Variants in IGSF21 observed in about 807,000 individuals in gnomAD.
IGSF21 encodes immunoglobin superfamily member 21, also known as immunoglobulin superfamily member 21.
A neutral mutation model predicts 46.8 loss-of-function variants in IGSF21; 28 were observed. The ratio of observed to expected loss-of-function variants is 0.60; its 90% CI spans 0.44 to 0.82. The LOEUF (loss-of-function observed/expected upper bound fraction) is 0.82. IGSF21 is among the 40% of genes least tolerant of loss of function. The probability of loss-of-function intolerance (pLI) is 0.00; values close to 1 mark genes in which losing one functional copy is unlikely to be tolerated. For missense variants in IGSF21, 624 were observed against 665.5 expected (o/e 0.94, Z 0.69); for synonymous variants, 284 against 273.6 (o/e 1.04, Z -0.38).
intron 1 of IGSF21, among the ~76,000 whole-genome samples, chr1:18,156,025 T>A (rs1858585): frequency 0.029 from 4,399 of 152,300 alleles, 236 homozygotes; most frequent in African/African-American, 0.1. Flanking sequence ...GCAGCCTGTG[T>A]AAATAGTTAC....
At chr1:18,216,982 C>T (rs116351122) in intron 1 of IGSF21, among the ~76,000 whole-genome samples, 4 of 152,052 alleles carry the variant, frequency 2.6e-5, no homozygotes, top group East Asian at 1.9e-4. Flanking sequence ...AGTGGTAGTG[C>T]GTGGAGCTCC....
intron 1 of IGSF21, among the ~76,000 whole-genome samples, chr1:18,216,862 A>C (rs139643544): frequency 6.6e-6 from 1 of 152,228 alleles, no homozygotes; most frequent in Non-Finnish European, 1.5e-5. Flanking sequence ...TTGTTGTAAT[A>C]ATATTTATTA....
intron 1 of IGSF21, among the ~76,000 whole-genome samples, chr1:18,141,843 C>T (rs985853014): frequency 6.6e-6 from 1 of 152,078 alleles, no homozygotes; most frequent in Non-Finnish European, 1.5e-5. Flanking sequence ...CCAAGGCGAG[C>T]CGATTGCTTG....
At chr1:18,246,030 G>T (rs749047840) in intron 2 of IGSF21, among the ~76,000 whole-genome samples, 5 of 152,192 alleles carry the variant, frequency 3.3e-5, no homozygotes, top group African/African-American at 4.8e-5. Flanking sequence ...CTGCAACCTG[G>T]CCTTGAATGG....
intron 2 of IGSF21, among the ~76,000 whole-genome samples, chr1:18,253,545 C>T (rs1174204677): frequency 6.6e-6 from 1 of 152,344 alleles, no homozygotes; most frequent in Middle Eastern, 3.4e-3. Flanking sequence ...TCAGAAGTAG[C>T]TCAATAAAGA....
intron 2 of IGSF21, among the ~76,000 whole-genome samples, chr1:18,282,762 G>A (rs541612109): frequency 6.6e-6 from 1 of 152,150 alleles, no homozygotes; most frequent in Non-Finnish European, 1.5e-5. Context: ...AACACCGTAA[G>A]TCCACAAACT....
intron 6 of IGSF21, among the ~76,000 whole-genome samples, chr1:18,371,980 G>C (rs1478635155): frequency 1.3e-5 from 2 of 152,208 alleles, no homozygotes; most frequent in Non-Finnish European, 2.9e-5. Flanking sequence ...TTTTAACTGT[G>C]ATAAAATTTA....
intron 2 of IGSF21, among the ~76,000 whole-genome samples, chr1:18,285,405 G>T (rs1355807437): frequency 6.6e-6 from 1 of 152,108 alleles, no homozygotes; most frequent in Admixed American, 6.5e-5. Flanking sequence ...GGGGTCAGGG[G>T]GCAGTCAGGG....
intron 2 of IGSF21, among the ~76,000 whole-genome samples, chr1:18,280,247 C>T (rs887524227): frequency 2.6e-5 from 4 of 152,174 alleles, no homozygotes; most frequent in African/African-American, 9.7e-5. Context: ...CCCCCCACAC[C>T]TGCCCTGTTG....
chr1:18,284,749 A>G (rs2085196139), intron 2 of IGSF21, among the ~76,000 whole-genome samples: 1 of 152,138 alleles, frequency 6.6e-6, no homozygotes, highest in African/African-American at 2.4e-5. Flanking sequence ...CCTAACTACC[A>G]TGAAAGGCAG....
intron 1 of IGSF21, among the ~76,000 whole-genome samples, chr1:18,147,459 C>T (rs1196827532): frequency 6.6e-6 from 1 of 152,108 alleles, no homozygotes; most frequent in African/African-American, 2.4e-5. Flanking sequence ...ACCTTCCTGT[C>T]CTGCAGGGCT....
intron 2 of IGSF21, among the ~76,000 whole-genome samples, chr1:18,246,940 C>T (rs1380434358): frequency 6.6e-6 from 1 of 152,008 alleles, no homozygotes; most frequent in Non-Finnish European, 1.5e-5. Context: ...GCTAAGAGCT[C>T]TCCATGCACC....
intron 1 of IGSF21, chr1:18,113,623 C>G (rs934872768): frequency 1.3e-5 from 1 of 76,250 alleles, no homozygotes; most frequent in Non-Finnish European, 2.4e-5. Context: ...CCCCACCCAA[C>G]ACATAAATTG....
At chr1:18,326,975 G>A (rs866931698) in intron 3 of IGSF21, among the ~76,000 whole-genome samples, 8 of 152,288 alleles carry the variant, frequency 5.3e-5, no homozygotes, top group Middle Eastern at 3.4e-3. Context: ...GGGTGGAGGC[G>A]AGGAAACATC....
chr1:18,365,685 G>A lies in IGSF21; in HGVS notation c.1003G>A (p.Glu335Lys), dbSNP rs766518448. ...AGCTCTGTCGATGCCCATGCAGGCAGAGGTCACGCTGGGTAAGACTTGGTG... is the reference window on the plus strand; with the variant it reads ...AGCTCTGTCGATGCCCATGCAGGCAAAGGTCACGCTGGGTAAGACTTGGTG... ...HPALSMPMQAEVTLVAPKGPK... is the reference protein window; with the variant it reads ...HPALSMPMQAKVTLVAPKGPK... The change falls in exon 6 of 10, where the codon GAG (glutamate) becomes AAG (lysine). Residue 335 changes from glutamate (E) to lysine (K), a missense_variant. Transcript: ENST00000251296. The surrounding 1 kb of genome is among the most constrained non-coding windows in gnomAD (Gnocchi z 4.8). 6.2e-6 allele frequency: 10 copies of A among 1,612,490 alleles called. No individual in the cohort carries two copies. The highest frequency in any genetic ancestry group is 7.6e-6 in the Non-Finnish European group (9 of 1,178,910).
chr1:18,358,617 G>C (rs1220833572), intron 4 of IGSF21, among the ~76,000 whole-genome samples: 1 of 152,204 alleles, frequency 6.6e-6, no homozygotes, highest in African/African-American at 2.4e-5. Context: ...CCTTAGCAAG[G>C]AGGCTCAAAT....
At chr1:18,120,436 G>T (rs979548078) in intron 1 of IGSF21, among the ~76,000 whole-genome samples, 2 of 152,174 alleles carry the variant, frequency 1.3e-5, no homozygotes, top group Admixed American at 1.3e-4. Flanking sequence ...AGCCCATACA[G>T]ATCAGCCTCC....
At chr1:18,251,795 G>A (rs1205821276) in intron 2 of IGSF21, among the ~76,000 whole-genome samples, 1 of 152,110 alleles carries the variant, frequency 6.6e-6, no homozygotes, top group African/African-American at 2.4e-5. Context: ...TAGTCTTCCT[G>A]ATGAGGGATG....
At chr1:18,148,934 C>T (rs2086495552) in intron 1 of IGSF21, among the ~76,000 whole-genome samples, 1 of 152,176 alleles carries the variant, frequency 6.6e-6, no homozygotes, top group African/African-American at 2.4e-5. Flanking sequence ...GTCTTATACT[C>T]ATTAAAAAAG....
Sources: gnomAD v4.1 joint callset for allele counts (sites outside exome capture counted in the v4.1 genomes callset) on GRCh38, gnomAD v4.1.1 for gene constraint, Gnocchi (gnomAD v3.1) non-coding constraint, MANE v1.5 for transcripts, NCBI Gene and HGNC (gene_info 2026-07-23, HGNC 2026-07-21) for gene names.